FAM186B: variants seen among roughly 807,000 people sequenced by gnomAD.
FAM186B encodes the protein family with sequence similarity 186 member B, also known as protein FAM186B.
In FAM186B, 68 loss-of-function variants were observed where a neutral mutation model predicts 83.4. The ratio of observed to expected loss-of-function variants is 0.81; its 90% CI spans 0.67 to 1.00. FAM186B has a LOEUF of 1.00. Ranked by LOEUF, FAM186B falls within the 50% of genes least tolerant of loss-of-function variation. The pLI is 0.00. For missense variants in FAM186B, 983 were observed against 1,099.2 expected, an observed-to-expected ratio of 0.89 and a Z score of 1.49; for synonymous variants, 389 against 422.0, an observed-to-expected ratio of 0.92 and a Z score of 0.96.
At chr12:49,589,781 G>A (rs1939539486) in intron 5 of FAM186B, among the ~76,000 whole-genome samples, 1 of 152,156 alleles carries the variant, frequency 6.6e-6, no homozygotes, top group East Asian at 1.9e-4. Context: ...AAGAGATTGA[G>A]ACCATCCTGG....
At chr12:49,585,705 A>G (rs1939427636), downstream of FAM186B, among the ~76,000 whole-genome samples, 1 of 152,110 alleles carries the variant, frequency 6.6e-6, no homozygotes, top group Non-Finnish European at 1.5e-5. Context: ...GCTGTGCGCC[A>G]GACAGCATGG....
chr12:49,608,785 TG>T (rs1940058473), upstream of FAM186B, among the ~76,000 whole-genome samples: 1 of 151,402 alleles, frequency 6.6e-6, no homozygotes, highest in Admixed American at 6.6e-5. Flanking sequence ...AAGGGCACTT[TG>T]GGAAAGTGCC....
chr12:49,601,191 T>C (rs1025572496), intron 3 of FAM186B, 57 bp from the exon 4 acceptor site: 15 of 1,509,556 alleles, frequency 9.9e-6, no homozygotes, highest in African/African-American at 2.8e-5. Flanking sequence ...AAGGATTGCA[T>C]TGATTCTCCA....
chr12:49,594,777 A>T (rs1939673656), intron 5 of FAM186B, among the ~76,000 whole-genome samples: 1 of 152,116 alleles, frequency 6.6e-6, no homozygotes. Flanking sequence ...TGGGAGGCTG[A>T]GGCAAGAGAA....
In FAM186B at chr12:49,604,637, G is replaced by A; in HGVS notation, c.97-99C>T. ...TTGGACAAGTCGCTTAGCCTCTTTG[G>A]GTCTCAGTTTTCTTATATTTAAAGT... On this transcript the variant is annotated intron_variant, in intron 1 of 6. Coordinates refer to ENST00000257894, the MANE Select transcript of FAM186B (RefSeq NM_032130.3). The A allele has an allele frequency of 3.4e-6, 3 of 881,978 alleles. No individual in the cohort carries two copies. The Admixed American group carries it at 7.3e-5, about 22-fold the overall frequency. 54.6% of individuals were successfully genotyped at this position (881,978 alleles called of 1,614,324 possible). A position where few individuals can be genotyped will look rare whatever the true frequency, so the allele number is the denominator to read the frequency against.
chr12:49,587,445 G>T, downstream of FAM186B: 1 of 1,010,424 alleles, frequency 9.9e-7, no homozygotes, highest in South Asian at 1.5e-5. Context: ...TACAGCCGCC[G>T]AGCAAAGGAA....
chr12:49,593,201 G>A (rs1209603699), intron 5 of FAM186B: 13 of 152,320 alleles, frequency 8.5e-5, no homozygotes, highest in African/African-American at 2.9e-4. Flanking sequence ...TTCATGAAGT[G>A]TTCCAGTAAA....
intron 5 of FAM186B, among the ~76,000 whole-genome samples, chr12:49,598,023 G>C (rs1244337625): frequency 6.6e-6 from 1 of 152,226 alleles, no homozygotes; most frequent in Non-Finnish European, 1.5e-5. Flanking sequence ...TTGTGCCACC[G>C]CACTCCAGCC....
At chr12:49,585,143 T>A (rs1939413950), downstream of FAM186B, among the ~76,000 whole-genome samples, 1 of 152,290 alleles carries the variant, frequency 6.6e-6, no homozygotes, top group Admixed American at 6.5e-5. Flanking sequence ...CTCAGCCTCC[T>A]GAGTAGCTGG....
chr12:49,610,109 C>T (rs1940069567), upstream of FAM186B, among the ~76,000 whole-genome samples: 1 of 151,246 alleles, frequency 6.6e-6, no homozygotes, highest in Non-Finnish European at 1.5e-5. Flanking sequence ...ACAGTCATTA[C>T]CCCCTAGGCA....
rs557091962 is a variant in FAM186B at position 49,603,213 on chromosome 12, G to T, written c.477C>A (p.Leu159=). The part of the protein sequence containing the change: ...IESLTALCST[L]IEGQKKRSQV... ...GTGACCTTTTCTTTTGTCCTTCAAT[G>T]AGAGTGGAGCAAAGGGCAGTGAGTG... is the stretch of plus-strand genomic sequence containing the variant. The change falls in exon 3 of 7, where the codon CTC becomes CTA. Residue 159 remains leucine (L), a synonymous_variant. Transcript: ENST00000257894. 2.5e-5 allele frequency: 40 copies of T among 1,614,224 alleles called. No individual in the cohort carries two copies. In the South Asian group the frequency reaches 4.0e-4, roughly 16 times the overall value.
At chr12:49,599,090 C>A in intron 4 of FAM186B, 143 bp from the exon 5 acceptor site, 1 of 853,924 alleles carries the variant, frequency 1.2e-6, no homozygotes, top group East Asian at 2.7e-5. Context: ...GAAAATGGGG[C>A]AGAGAAAAGT....
intron 5 of FAM186B, among the ~76,000 whole-genome samples, chr12:49,592,914 A>C (rs1274349390): frequency 6.6e-6 from 1 of 152,264 alleles, no homozygotes; most frequent in Non-Finnish European, 1.5e-5. Flanking sequence ...AGGGAAAAAA[A>C]CAAAGAACAG....
In FAM186B at chr12:49,604,330, C is replaced by T. The variant is rs142103524; in HGVS notation, c.305G>A (p.Arg102His). 39 of 1,613,486 alleles carry T rather than the reference C, an allele frequency of 2.4e-5. No individual in the cohort carries two copies. The highest frequency in any genetic ancestry group is 6.7e-5 in the East Asian group (3 of 44,896). Reference sequence around the variant, plus strand: ...AAACTCACCCCAGTCACCCAGCCAGCGGAGAATGTCATACAGGTGCTTCTC... The same window carrying T: ...AAACTCACCCCAGTCACCCAGCCAGTGGAGAATGTCATACAGGTGCTTCTC... ...MKEKHLYDIL[R>H]WLGDWGDTLT... The change falls in exon 2 of 7, where the codon CGC becomes CAC. Residue 102 changes from arginine (R) to histidine (H), a missense_variant. Transcript: ENST00000257894.
chr12:49,584,631 A>G, downstream of FAM186B: 1 of 702,292 alleles, frequency 1.4e-6, no homozygotes, highest in Non-Finnish European at 2.6e-6. Flanking sequence ...GAGTTAGTAG[A>G]GTTACAGGTG....
the FAM186B span, among the ~76,000 whole-genome samples, chr12:49,620,257 CTA>C: frequency 6.6e-6 from 1 of 152,172 alleles, no homozygotes; most frequent in Non-Finnish European, 1.5e-5. Flanking sequence ...TGAAGTACTC[CTA>C]GTTTGCTGCA....
At chr12:49,593,508 T>G (rs146850600) in intron 5 of FAM186B, among the ~76,000 whole-genome samples, 2,692 of 151,018 alleles carry the variant, frequency 0.018, 43 homozygotes, top group Non-Finnish European at 0.029. Flanking sequence ...GTGGCAGGCA[T>G]TTGTAATCCC....
intron 4 of FAM186B, 123 bp downstream of exon 4, chr12:49,599,346 G>A: frequency 7.2e-7 from 1 of 1,394,444 alleles, no homozygotes; most frequent in South Asian, 1.9e-5. Context: ...AGGAGACCCT[G>A]TCCAGGCCTG....
chr12:49,619,366 G>T, the FAM186B span: 1 of 402,316 alleles, frequency 2.5e-6, no homozygotes, highest in Non-Finnish European at 4.5e-6. Flanking sequence ...CCCTTCATAT[G>T]ATGAAAATCT....
Sources: gnomAD v4.1 joint callset for allele counts (sites outside exome capture counted in the v4.1 genomes callset) on GRCh38, gnomAD v4.1.1 for gene constraint, MANE v1.5 for transcripts, NCBI Gene and HGNC (gene_info 2026-07-23, HGNC 2026-07-21) for gene names.